The following CNTNAP2 variants were observed in gnomAD, a reference collection of about 807,000 sequenced individuals.
The protein encoded by CNTNAP2 is contactin associated protein 2.
A neutral mutation model predicts 155.2 loss-of-function variants in CNTNAP2; 98 were observed. That is an observed-to-expected ratio of 0.63 (90% CI 0.54 to 0.75). CNTNAP2 has a LOEUF of 0.75. Ranked by LOEUF, CNTNAP2 falls within the 30% of genes least tolerant of loss-of-function variation. The pLI is 0.00. For missense variants in CNTNAP2, 1,727 were observed against 1,688.1 expected (o/e 1.02, Z -0.40); for synonymous variants, 651 against 631.2 (o/e 1.03, Z -0.47).
intron 13 of CNTNAP2, among the ~76,000 whole-genome samples, chr7:147,819,706 C>T (rs535791935): frequency 2.0e-5 from 3 of 152,228 alleles, no homozygotes; most frequent in Non-Finnish European, 4.4e-5. Flanking sequence ...TCATCAGTGC[C>T]TTTCAGTTCA....
At chr7:146,235,859 G>A (rs1024589373) in intron 1 of CNTNAP2, among the ~76,000 whole-genome samples, 1 of 151,914 alleles carries the variant, frequency 6.6e-6, no homozygotes, top group Non-Finnish European at 1.5e-5. Context: ...AACCAAATTA[G>A]CAAAGACATT....
intron 11 of CNTNAP2, among the ~76,000 whole-genome samples, chr7:147,533,648 G>A (rs1799484238): frequency 6.6e-6 from 1 of 150,808 alleles, no homozygotes; most frequent in Non-Finnish European, 1.5e-5. Context: ...GCTCATATGT[G>A]TAATCCCAGC....
chr7:146,180,842 C>A (rs1468284976), intron 1 of CNTNAP2, among the ~76,000 whole-genome samples: 1 of 152,100 alleles, frequency 6.6e-6, no homozygotes. Context: ...GGTCAGTAAC[C>A]AGTAAGTAAG....
At chr7:148,369,317 A>G (rs1373931158) in intron 21 of CNTNAP2, among the ~76,000 whole-genome samples, 1 of 149,280 alleles carries the variant, frequency 6.7e-6, no homozygotes, top group African/African-American at 2.5e-5. Flanking sequence ...TCATGCCCCA[A>G]CCTCCCAAGT....
intron 9 of CNTNAP2, among the ~76,000 whole-genome samples, chr7:147,333,996 T>C (rs826794): frequency 0.79 from 119,666 of 152,000 alleles, 47,696 homozygotes; most frequent in African/African-American, 0.92. Flanking sequence ...GTTTTCTGTA[T>C]GCCAAAGCCA....
At chr7:146,930,823 T>C (rs1796735764) in intron 3 of CNTNAP2, among the ~76,000 whole-genome samples, 1 of 151,766 alleles carries the variant, frequency 6.6e-6, no homozygotes, top group South Asian at 2.1e-4. Context: ...CCAACAAAGA[T>C]CAAAAGAGAC....
chr7:146,991,433 T>C (rs1326623213), intron 3 of CNTNAP2, among the ~76,000 whole-genome samples: 1 of 152,104 alleles, frequency 6.6e-6, no homozygotes, highest in African/African-American at 2.4e-5. Context: ...ACCCATGTGG[T>C]AACATATTTA....
intron 8 of CNTNAP2, among the ~76,000 whole-genome samples, chr7:147,284,942 G>A (rs1335537502): frequency 6.6e-6 from 1 of 151,872 alleles, no homozygotes; most frequent in Non-Finnish European, 1.5e-5. Flanking sequence ...ATAAGTAGTA[G>A]AGAGGTTGGC....
Position 147,576,952 on chromosome 7 carries a change from C to G in CNTNAP2, c.1897+14695C>G, listed in dbSNP as rs190228343. Among the ~76,000 whole-genome samples, 293 of 152,118 alleles carry G rather than the reference C, an allele frequency of 1.9e-3. 1 individual carries two copies. Among genetic ancestry groups the G allele is most frequent in the Non-Finnish European group, 3.5e-3 (235 of 67,958 alleles). On this transcript the variant is annotated intron_variant, in intron 12 of 23. Coordinates refer to ENST00000361727, the MANE Select transcript of CNTNAP2 (RefSeq NM_014141.6). Reference sequence around the variant, plus strand: ...AGAGCCATATTGTCTAATACACATGCAATTATATCTAACCATCCTTGGGAT... The same window carrying G: ...AGAGCCATATTGTCTAATACACATGGAATTATATCTAACCATCCTTGGGAT...
At chr7:146,766,090 C>G (rs1203046989) in intron 1 of CNTNAP2, among the ~76,000 whole-genome samples, 4 of 152,094 alleles carry the variant, frequency 2.6e-5, no homozygotes, top group Non-Finnish European at 5.9e-5. Flanking sequence ...ATGGCAAAAT[C>G]TGATGCCCAG....
chr7:147,325,290 GC>G (rs1380574265), intron 9 of CNTNAP2, among the ~76,000 whole-genome samples: 1 of 152,112 alleles, frequency 6.6e-6, no homozygotes, highest in African/African-American at 2.4e-5. Context: ...GGGAGACAGG[GC>G]AAGACTCCAT....
At chr7:147,231,243 T>C (rs1803674402) in intron 8 of CNTNAP2, among the ~76,000 whole-genome samples, 1 of 152,250 alleles carries the variant, frequency 6.6e-6, no homozygotes, top group African/African-American at 2.4e-5. Flanking sequence ...GTTTCATCCA[T>C]GTTGTCACAT....
chr7:148,159,733 C>CT (rs1333786708), intron 17 of CNTNAP2, among the ~76,000 whole-genome samples: 16 of 152,136 alleles, frequency 1.1e-4, no homozygotes, highest in African/African-American at 3.9e-4. Context: ...ACTGCTTGAC[C>CT]TATCAGTTTC....
chr7:147,802,399 C>T (rs1411121264), intron 13 of CNTNAP2, among the ~76,000 whole-genome samples: 5 of 152,070 alleles, frequency 3.3e-5, no homozygotes, highest in East Asian at 1.9e-4. Flanking sequence ...GCTGCAATCT[C>T]GGCACTTTGG....
intron 1 of CNTNAP2, among the ~76,000 whole-genome samples, chr7:146,246,140 G>T (rs1563005926): frequency 6.6e-6 from 1 of 151,758 alleles, no homozygotes; most frequent in East Asian, 1.9e-4. Flanking sequence ...TTGGCATTGA[G>T]TGGGGTAAGG....
intron 19 of CNTNAP2, among the ~76,000 whole-genome samples, chr7:148,219,595 G>T (rs1795707144): frequency 6.6e-6 from 1 of 152,188 alleles, no homozygotes. Flanking sequence ...TGCTCAAAAG[G>T]CTGAGGCAGG....
At chr7:146,240,512 T>C (rs2116926835) in intron 1 of CNTNAP2, among the ~76,000 whole-genome samples, 1 of 151,736 alleles carries the variant, frequency 6.6e-6, no homozygotes, top group African/African-American at 2.4e-5. Flanking sequence ...GTCTTATGCT[T>C]ATGTACATTA....
chr7:148,146,304 C>T (rs920797885), intron 16 of CNTNAP2, among the ~76,000 whole-genome samples: 1 of 152,226 alleles, frequency 6.6e-6, no homozygotes, highest in Non-Finnish European at 1.5e-5. Context: ...AGAATTCACC[C>T]AGCCTAAGGG....
intron 8 of CNTNAP2, among the ~76,000 whole-genome samples, chr7:147,242,770 C>T (rs1482667610): frequency 1.3e-5 from 2 of 151,942 alleles, no homozygotes; most frequent in Admixed American, 1.3e-4. Flanking sequence ...ATTTCTCTAC[C>T]CATCCCAAAA....
Sources: allele counts gnomAD v4.1 joint callset (sites outside exome capture counted in the v4.1 genomes callset), GRCh38; gene constraint gnomAD v4.1.1; transcripts MANE v1.5; gene names NCBI Gene and HGNC (gene_info 2026-07-23, HGNC 2026-07-21).